The following NEGR1 variants were observed in gnomAD, a reference collection of about 807,000 sequenced individuals.
The protein encoded by NEGR1 is neuronal growth regulator 1.
In NEGR1, 10 loss-of-function variants were observed where a neutral mutation model predicts 40.9. The ratio of observed to expected loss-of-function variants is 0.24; its 90% CI spans 0.15 to 0.42. The LOEUF (loss-of-function observed/expected upper bound fraction) is 0.42, where lower values mean the gene tolerates loss of function less well. Ranked by LOEUF, NEGR1 falls within the 10% of genes least tolerant of loss-of-function variation. The pLI is 1.00. For synonymous variants in NEGR1, 185 were observed against 166.8 expected, an observed-to-expected ratio of 1.11 and a Z score of -0.84; for missense variants, 352 against 438.9, an observed-to-expected ratio of 0.80 and a Z score of 1.77.
At chr1:71,614,996 A>G (rs967475203) in intron 4 of NEGR1, among the ~76,000 whole-genome samples, 1 of 152,206 alleles carries the variant, frequency 6.6e-6, no homozygotes, top group Non-Finnish European at 1.5e-5. Flanking sequence ...AATATGCATA[A>G]GAAAAAGTCC....
intron 1 of NEGR1, among the ~76,000 whole-genome samples, chr1:72,163,243 G>A (rs1009962575): frequency 3.9e-5 from 6 of 151,972 alleles, no homozygotes; most frequent in African/African-American, 7.2e-5. Flanking sequence ...AATATATAAC[G>A]TAAATAAGGT....
chr1:71,510,237 A>G (rs1307317371), intron 6 of NEGR1, among the ~76,000 whole-genome samples: 1 of 152,236 alleles, frequency 6.6e-6, no homozygotes, highest in East Asian at 1.9e-4. Context: ...TAAAACAGCT[A>G]TTAATAAACA....
chr1:71,796,316 G>A (rs1368998478), intron 2 of NEGR1, among the ~76,000 whole-genome samples: 1 of 152,108 alleles, frequency 6.6e-6, no homozygotes, highest in Non-Finnish European at 1.5e-5. Flanking sequence ...TACCAGGTGT[G>A]TTTGAGAAAA....
intron 1 of NEGR1, among the ~76,000 whole-genome samples, chr1:72,148,986 A>G (rs1014772044): frequency 6.6e-6 from 1 of 152,168 alleles, no homozygotes; most frequent in East Asian, 1.9e-4. Flanking sequence ...AGTTTCAGTT[A>G]TCTTTTCAGC....
intron 6 of NEGR1, among the ~76,000 whole-genome samples, chr1:71,586,806 A>ATGTCTG (rs1649323801): frequency 1.3e-5 from 2 of 152,126 alleles, no homozygotes; most frequent in Non-Finnish European, 2.9e-5. Flanking sequence ...TTCATGACTT[A>ATGTCTG]TGTGATGATT....
At chr1:71,748,788 TG>T (rs1655471220) in intron 3 of NEGR1, among the ~76,000 whole-genome samples, 4 of 152,050 alleles carry the variant, frequency 2.6e-5, no homozygotes, top group African/African-American at 9.7e-5. Context: ...CATGAAAAAA[TG>T]GACAGTGTTT....
At chr1:71,837,949 T>G (rs935097562) in intron 2 of NEGR1, among the ~76,000 whole-genome samples, 1 of 152,160 alleles carries the variant, frequency 6.6e-6, no homozygotes, top group African/African-American at 2.4e-5. Flanking sequence ...TCTAACTATA[T>G]TAATGCCAGA....
chr1:72,000,477 C>T (rs180770895), intron 1 of NEGR1, among the ~76,000 whole-genome samples: 11 of 151,970 alleles, frequency 7.2e-5, no homozygotes, highest in East Asian at 5.8e-4. Flanking sequence ...AATATAAATG[C>T]TATACTCTTT....
intron 1 of NEGR1, among the ~76,000 whole-genome samples, chr1:72,057,091 C>T (rs116611030): frequency 0.011 from 1,719 of 151,610 alleles, 31 homozygotes; most frequent in African/African-American, 0.039. Flanking sequence ...TTCTTGAAAG[C>T]GGTGGCAGTG....
At chr1:71,495,109 T>C (rs1245996848) in intron 6 of NEGR1, among the ~76,000 whole-genome samples, 6 of 152,208 alleles carry the variant, frequency 3.9e-5, no homozygotes, top group African/African-American at 1.4e-4. Flanking sequence ...AAATATGTTT[T>C]AATTGGCTGT....
At chr1:71,702,923 T>C (rs1246455517) in intron 3 of NEGR1, among the ~76,000 whole-genome samples, 1 of 152,036 alleles carries the variant, frequency 6.6e-6, no homozygotes, top group Admixed American at 6.6e-5. Context: ...AAAGAGAGAT[T>C]GGAATTCAGG....
intron 1 of NEGR1, among the ~76,000 whole-genome samples, chr1:72,175,770 C>A (rs1168071269): frequency 6.6e-6 from 1 of 151,916 alleles, no homozygotes; most frequent in Non-Finnish European, 1.5e-5. Context: ...TATTACAGAA[C>A]CAGACAGCAA....
At chr1:71,790,001 A>C (rs886497507) in intron 2 of NEGR1, among the ~76,000 whole-genome samples, 1 of 152,156 alleles carries the variant, frequency 6.6e-6, no homozygotes, top group African/African-American at 2.4e-5. Context: ...TTTGGATTTT[A>C]AGGGTTGAGA....
intron 1 of NEGR1, among the ~76,000 whole-genome samples, chr1:72,269,330 A>C (rs1207286901): frequency 6.6e-6 from 1 of 151,634 alleles, no homozygotes; most frequent in Non-Finnish European, 1.5e-5. Context: ...AAAGGAGTGA[A>C]TCAAGGTGAT....
intron 6 of NEGR1, among the ~76,000 whole-genome samples, chr1:71,454,801 A>G (rs941446614): frequency 2.6e-5 from 4 of 152,222 alleles, no homozygotes; most frequent in Non-Finnish European, 5.9e-5. Context: ...TTGGGGGATA[A>G]AATGTAATAA....
intron 1 of NEGR1, among the ~76,000 whole-genome samples, chr1:72,197,276 C>T (rs34840702): frequency 0.13 from 19,662 of 151,902 alleles, 1,663 homozygotes; most frequent in Non-Finnish European, 0.19. Flanking sequence ...AAATGAGTAT[C>T]GGAACACTGC....
intron 2 of NEGR1, among the ~76,000 whole-genome samples, chr1:71,919,976 A>T (rs2101881881): frequency 6.6e-6 from 1 of 152,066 alleles, no homozygotes; most frequent in East Asian, 1.9e-4. Flanking sequence ...GTGGCTCTCC[A>T]GGGTTCTCTG....
chr1:72,135,100 G>A (rs1471409094), intron 1 of NEGR1, among the ~76,000 whole-genome samples: 1 of 150,266 alleles, frequency 6.7e-6, no homozygotes, highest in Non-Finnish European at 1.5e-5. Context: ...CTTTCGGCCG[G>A]GCGTGGTGGC....
intron 1 of NEGR1, among the ~76,000 whole-genome samples, chr1:72,094,313 T>C (rs1395525764): frequency 1.3e-5 from 2 of 151,906 alleles, no homozygotes; most frequent in African/African-American, 2.4e-5. Flanking sequence ...AAATCTAAGA[T>C]CTCAAAGAAT....
Sources: allele counts gnomAD v4.1 joint callset (sites outside exome capture counted in the v4.1 genomes callset), GRCh38; gene constraint gnomAD v4.1.1; transcripts MANE v1.5; gene names NCBI Gene and HGNC (gene_info 2026-07-23, HGNC 2026-07-21).